CD81: variants seen among roughly 807,000 people sequenced by gnomAD.
CD81 encodes CD81 antigen.
Under a neutral mutation model 30.1 loss-of-function variants are expected in CD81, and 10 were observed. The observed-to-expected ratio is 0.33, with a 90% CI of 0.21 to 0.56. The LOEUF (loss-of-function observed/expected upper bound fraction) is 0.56, where lower values mean the gene tolerates loss of function less well. CD81 is among the 20% of genes least tolerant of loss of function. The pLI, the probability that CD81 is intolerant of heterozygous loss-of-function variation, is 0.89. For missense variants in CD81, 263 were observed against 308.7 expected, an observed-to-expected ratio of 0.85 and a Z score of 1.11; for synonymous variants, 147 against 126.4, an observed-to-expected ratio of 1.16 and a Z score of -1.10.
At chr11:2,396,131 C>A in intron 6 of CD81, 161 bp downstream of exon 6, 1 of 669,778 alleles carries the variant, frequency 1.5e-6, no homozygotes, top group South Asian at 1.6e-5. Flanking sequence ...GGGGTGGGAC[C>A]GCATCTGGCC....
Position 2,377,597 on chromosome 11 carries a change from C to A in CD81, c.48C>A (p.Val16=). 6.5e-7 allele frequency: 1 copy of A among 1,545,416 alleles called. No individual in the cohort carries two copies. Among genetic ancestry groups the A allele is most frequent in the Non-Finnish European group, 8.7e-7 (1 of 1,143,698 alleles). The change falls in exon 1 of 8, where the codon GTC becomes GTA. Residue 16 remains valine (V), a synonymous_variant. Coordinates refer to ENST00000263645, the MANE Select transcript of CD81 (RefSeq NM_004356.4). The surrounding 1 kb of genome is among the most constrained non-coding windows in gnomAD (Gnocchi z 7.7). The part of the protein sequence containing the change: ...CTKCIKYLLF[V]FNFVFWLAGG... Reference sequence around the variant, plus strand: ...AGTGCATCAAGTACCTGCTCTTCGTCTTCAATTTCGTCTTCTGGGTAAGGG... The same window carrying A: ...AGTGCATCAAGTACCTGCTCTTCGTATTCAATTTCGTCTTCTGGGTAAGGG...
At chr11:2,394,215 T>G (rs765103689) in intron 3 of CD81, 23 bp downstream of exon 3, 10 of 1,544,204 alleles carry the variant, frequency 6.5e-6, no homozygotes, top group African/African-American at 1.4e-5. Flanking sequence ...GGCGGGCCTG[T>G]GCCTGGGCCG....
At chr11:2,394,225 G>A (rs368110934) in intron 3 of CD81, 33 bp downstream of exon 3, 22 of 1,470,050 alleles carry the variant, frequency 1.5e-5, no homozygotes, top group East Asian at 4.6e-5. Context: ...TGCCTGGGCC[G>A]GGGAGGGGCT....
At chr11:2,379,897 C>T (rs1849676292) in intron 1 of CD81, among the ~76,000 whole-genome samples, 1 of 152,130 alleles carries the variant, frequency 6.6e-6, no homozygotes, top group African/African-American at 2.4e-5. Context: ...CCCTGGTGGA[C>T]CCCCCTCCAC....
At chr11:2,393,664 G>T in intron 2 of CD81, 2 of 565,486 alleles carry the variant, frequency 3.5e-6, no homozygotes, top group Non-Finnish European at 6.3e-6. Context: ...CCTACAGTGG[G>T]GCCCACCCTG....
intron 1 of CD81, chr11:2,384,635 T>C: frequency 5.5e-6 from 1 of 182,368 alleles, no homozygotes; most frequent in Non-Finnish European, 1.2e-5. Context: ...CTCCGGAGGC[T>C]GGAGTATCTT....
intron 2 of CD81, chr11:2,391,623 G>A (rs903299545): frequency 2.0e-5 from 3 of 152,152 alleles, no homozygotes; most frequent in Non-Finnish European, 2.9e-5. Context: ...GTGGCCCACG[G>A]AGGGTTTCTG....
chr11:2,383,255 A>G (rs1045402088), intron 1 of CD81, among the ~76,000 whole-genome samples: 1 of 152,130 alleles, frequency 6.6e-6, no homozygotes, highest in African/African-American at 2.4e-5. Flanking sequence ...GGAGGCCACA[A>G]CGGGGTCAGA....
chr11:2,387,334 A>G (rs57261000), intron 1 of CD81, among the ~76,000 whole-genome samples: 4,559 of 152,156 alleles, frequency 0.03, 243 homozygotes, highest in African/African-American at 0.1. Flanking sequence ...TCCCCCATCC[A>G]CCTGCCCCAC....
chr11:2,387,674 C>T (rs1487833302), intron 1 of CD81, among the ~76,000 whole-genome samples: 2 of 152,142 alleles, frequency 1.3e-5, no homozygotes, highest in Non-Finnish European at 2.9e-5. Flanking sequence ...CCCCTGGCCT[C>T]CCTGGGGCCT....
chr11:2,381,314 C>T (rs1849700970), intron 1 of CD81, among the ~76,000 whole-genome samples: 1 of 152,246 alleles, frequency 6.6e-6, no homozygotes. Flanking sequence ...CTGGCTGTGG[C>T]TCTGCCGGGT....
chr11:2,387,709 G>A (rs935808818), intron 1 of CD81, among the ~76,000 whole-genome samples: 3 of 152,194 alleles, frequency 2.0e-5, no homozygotes, highest in Non-Finnish European at 4.4e-5. Flanking sequence ...CACACGTGGG[G>A]TCCCAGCTGC....
chr11:2,379,517 A>T (rs1849668614), intron 1 of CD81, among the ~76,000 whole-genome samples: 2 of 141,822 alleles, frequency 1.4e-5, no homozygotes, highest in East Asian at 4.1e-4. Flanking sequence ...GCAGAGGCTG[A>T]AGGGGAGTCA....
intron 1 of CD81, among the ~76,000 whole-genome samples, chr11:2,385,378 C>T (rs534396204): frequency 2.0e-5 from 3 of 152,304 alleles, no homozygotes; most frequent in African/African-American, 7.2e-5. Context: ...CACGGGCCGT[C>T]GCTGTGGGTG....
At chr11:2,381,558 G>A (rs955721248) in intron 1 of CD81, among the ~76,000 whole-genome samples, 7 of 152,218 alleles carry the variant, frequency 4.6e-5, no homozygotes, top group African/African-American at 1.2e-4. Flanking sequence ...ATCGCACCAC[G>A]GGAAGAGCTT....
intron 6 of CD81, 47 bp from the exon 7 acceptor site, chr11:2,396,581 G>A (rs764648595): frequency 3.7e-5 from 55 of 1,486,392 alleles, no homozygotes; most frequent in Admixed American, 5.0e-5. Context: ...GGGAAGCCGG[G>A]AGCCGAGGCC....
chr11:2,387,657 C>G (rs916910030), intron 1 of CD81, among the ~76,000 whole-genome samples: 3 of 152,124 alleles, frequency 2.0e-5, no homozygotes, highest in Non-Finnish European at 4.4e-5. Flanking sequence ...ATTCTGGAAG[C>G]CAGGGGCCCC....
chr11:2,391,084 T>G (rs1849891084), intron 2 of CD81: 4 of 200,468 alleles, frequency 2.0e-5, no homozygotes, highest in African/African-American at 2.4e-5. Context: ...GGAGCAGGAG[T>G]GATGGAGGAG....
Position 2,396,788 on chromosome 11 carries a change from C to A in CD81, c.649-16C>A, listed in dbSNP as rs367620432. 2.8e-5 allele frequency: 45 copies of A among 1,612,496 alleles called. No individual in the cohort carries two copies. Among genetic ancestry groups the A allele is most frequent in the Non-Finnish European group, 3.7e-5 (44 of 1,180,000 alleles). On this transcript the variant is annotated splice_polypyrimidine_tract_variant and intron_variant, in intron 7 of 7. Coordinates refer to ENST00000263645, the MANE Select transcript of CD81 (RefSeq NM_004356.4). The stretch of plus-strand genomic sequence containing the variant: ...GGGGCCTTGTGCTGACTGCGCCCCC[C>A]ACCACCCTCCTGCAGATCTTCGAGA...
Sources: allele counts gnomAD v4.1 joint callset (sites outside exome capture counted in the v4.1 genomes callset), GRCh38; gene constraint gnomAD v4.1.1; non-coding constraint Gnocchi (gnomAD v3.1); transcripts MANE v1.5; gene names NCBI Gene and HGNC (gene_info 2026-07-23, HGNC 2026-07-21).